The following ZBTB20 variants were observed in gnomAD, a reference collection of about 807,000 sequenced individuals.
The protein encoded by ZBTB20 is zinc finger and BTB domain-containing protein 20.
ZBTB20 carries 9 observed loss-of-function variants against 56.9 expected under a neutral mutation model. The ratio of observed to expected loss-of-function variants is 0.16; its 90% CI spans 0.10 to 0.28. The LOEUF (loss-of-function observed/expected upper bound fraction) is 0.28, where lower values mean the gene tolerates loss of function less well. ZBTB20 is among the 10% of genes least tolerant of loss of function. The probability of loss-of-function intolerance (pLI) is 1.00; values close to 1 mark genes in which losing one functional copy is unlikely to be tolerated. For missense variants in ZBTB20, 655 were observed against 1,003.0 expected (o/e 0.65, Z 4.69); for synonymous variants, 417 against 420.7 (o/e 0.99, Z 0.11).
At chr3:114,569,033 A>G (rs2053118360) in intron 6 of ZBTB20, among the ~76,000 whole-genome samples, 2 of 152,230 alleles carry the variant, frequency 1.3e-5, no homozygotes, top group Admixed American at 1.3e-4. Flanking sequence ...CAATCAAGTT[A>G]TAACAGGTAT....
chr3:114,532,982 G>A (rs1364502243), intron 6 of ZBTB20, among the ~76,000 whole-genome samples: 11 of 152,128 alleles, frequency 7.2e-5, no homozygotes, highest in African/African-American at 1.4e-4. Flanking sequence ...AACCCCATCC[G>A]AAGATCACCA....
intron 6 of ZBTB20, among the ~76,000 whole-genome samples, chr3:114,566,826 A>G (rs999736470): frequency 5.9e-5 from 9 of 152,166 alleles, no homozygotes; most frequent in African/African-American, 2.2e-4. Flanking sequence ...TGCCAAATCT[A>G]TTTAGCAGAA....
rs2076958073 is a variant in ZBTB20, at chr3:114,948,468, A to G, written c.-456+25898T>C. On this transcript the variant is annotated intron_variant, in intron 3 of 11. Transcript: ENST00000675478. ...TAAATTAAAGTTATATGGAATGAAAAGGTAGAAATAAAACTGTAGTTATTC... is the reference window on the plus strand; with the variant it reads ...TAAATTAAAGTTATATGGAATGAAAGGGTAGAAATAAAACTGTAGTTATTC... Among the ~76,000 whole-genome samples the G allele has an allele frequency of 1.4e-5, 2 of 146,242 alleles. 1 individual carries two copies. Among genetic ancestry groups the G allele is most frequent in the African/African-American group, 5.6e-5 (2 of 36,030 alleles).
chr3:114,746,330 C>G (rs893307297), intron 5 of ZBTB20, among the ~76,000 whole-genome samples: 1 of 151,932 alleles, frequency 6.6e-6, no homozygotes, highest in Non-Finnish European at 1.5e-5. Flanking sequence ...TCTTTTTTCC[C>G]CCATTCCCCT....
intron 7 of ZBTB20, among the ~76,000 whole-genome samples, chr3:114,410,117 C>T (rs1245792356): frequency 1.3e-5 from 2 of 152,052 alleles, no homozygotes; most frequent in African/African-American, 4.8e-5. Flanking sequence ...CTGAGAAAGA[C>T]AAGGTCCATC....
At chr3:115,110,181 C>T (rs1034200609) in intron 1 of ZBTB20, among the ~76,000 whole-genome samples, 3 of 151,182 alleles carry the variant, frequency 2.0e-5, no homozygotes, top group African/African-American at 7.3e-5. Context: ...CACTGCACTC[C>T]AGCCTGGGCG....
At chr3:115,078,505 A>T (rs528173101) in intron 1 of ZBTB20, among the ~76,000 whole-genome samples, 2 of 152,002 alleles carry the variant, frequency 1.3e-5, no homozygotes, top group African/African-American at 4.8e-5. Context: ...AAAATTACAG[A>T]CGATTATTTT....
chr3:114,434,546 G>GTGTGTGTGTTTT (rs1224648995), intron 7 of ZBTB20, among the ~76,000 whole-genome samples: 2 of 89,122 alleles, frequency 2.2e-5, no homozygotes, highest in Non-Finnish European at 6.1e-5. Flanking sequence ...ATTGGGGTGT[G>GTGTGTGTGTTTT]TGTGTGTGTG....
intron 7 of ZBTB20, among the ~76,000 whole-genome samples, chr3:114,412,255 G>C (rs1186206353): frequency 1.3e-5 from 2 of 152,116 alleles, no homozygotes; most frequent in Non-Finnish European, 2.9e-5. Context: ...ATGGGAACAT[G>C]AACAGTTACC....
At chr3:114,934,340 A>T (rs1367896232) in intron 3 of ZBTB20, among the ~76,000 whole-genome samples, 1 of 152,182 alleles carries the variant, frequency 6.6e-6, no homozygotes, top group African/African-American at 2.4e-5. Context: ...CCTCAAATCT[A>T]TGCTTACCTC....
At position 114,883,916 on chromosome 3, in the gene ZBTB20, C is replaced by CCTTTTTTTTTTTTTTTT. The variant is rs1223732179; in HGVS notation, c.-417+16387_-417+16388insAAAAAAAAAAAAAAAAG. ...GTATAACTGGTAAGAATGGTGTGTT[C>CCTTTTTTTTTTTTTTTT]TTTTTTTTTTTTTTTTTTTTTTTTT... is the stretch of plus-strand genomic sequence containing the variant. On this transcript the variant is annotated intron_variant, in intron 4 of 11. Coordinates refer to ENST00000675478, the MANE Select transcript of ZBTB20 (RefSeq NM_001348800.3). Among the ~76,000 whole-genome samples, 159 of 89,824 alleles carry CCTTTTTTTTTTTTTTTT rather than the reference C, an allele frequency of 1.8e-3. 46 individuals carry two copies. Among genetic ancestry groups the CCTTTTTTTTTTTTTTTT allele is most frequent in the African/African-American group, 4.5e-3 (112 of 25,074 alleles). 58.9% of individuals were successfully genotyped at this position (89,824 alleles called of 152,430 possible).
chr3:114,513,302 T>C (rs2045616052), intron 6 of ZBTB20, among the ~76,000 whole-genome samples: 1 of 152,212 alleles, frequency 6.6e-6, no homozygotes, highest in Non-Finnish European at 1.5e-5. Flanking sequence ...AATACGTACA[T>C]GACACCAATC....
At chr3:114,597,043 A>ATAT (rs1553762645) in intron 6 of ZBTB20, among the ~76,000 whole-genome samples, 3 of 148,242 alleles carry the variant, frequency 2.0e-5, no homozygotes, top group East Asian at 1.9e-4. Flanking sequence ...AAATTAAAAA[A>ATAT]ATATATATAT....
intron 2 of ZBTB20, among the ~76,000 whole-genome samples, chr3:115,028,518 T>C (rs1192893294): frequency 6.6e-6 from 1 of 150,710 alleles, no homozygotes; most frequent in African/African-American, 2.4e-5. Context: ...TTTAAAAATG[T>C]AGTCACAAGA....
At chr3:114,939,723 AGGTGTG>A (rs757409472) in intron 3 of ZBTB20, among the ~76,000 whole-genome samples, 6 of 146,272 alleles carry the variant, frequency 4.1e-5, no homozygotes, top group Admixed American at 2.6e-4. Flanking sequence ...TTCTGGGACT[AGGTGTG>A]GTGGCTCACT....
chr3:114,840,625 A>G lies in ZBTB20; in HGVS notation c.-416-39451T>C, dbSNP rs939159278. ...GATATAGAGTCAAAATTGTGATCAC[A>G]GAATTCTCCTAAATGTTAGTCTCAG... On this transcript the variant is annotated intron_variant, in intron 4 of 11. Transcript: ENST00000675478. Among the ~76,000 whole-genome samples the G allele has an allele frequency of 2.6e-5, 4 of 152,238 alleles. No homozygotes were observed. The South Asian group carries it at 8.3e-4, about 32-fold the overall frequency.
chr3:115,009,253 T>C (rs1459888077), intron 2 of ZBTB20, among the ~76,000 whole-genome samples: 2 of 151,894 alleles, frequency 1.3e-5, no homozygotes, highest in Non-Finnish European at 2.9e-5. Context: ...TAGCCCTTAA[T>C]CTATATGGTT....
At chr3:114,593,733 G>A (rs538551738) in intron 6 of ZBTB20, among the ~76,000 whole-genome samples, 1 of 152,264 alleles carries the variant, frequency 6.6e-6, no homozygotes, top group South Asian at 2.1e-4. Flanking sequence ...CATATAACTG[G>A]TCATAGATAG....
chr3:114,848,251 T>C (rs2107386102), intron 4 of ZBTB20, among the ~76,000 whole-genome samples: 1 of 152,244 alleles, frequency 6.6e-6, no homozygotes, highest in Non-Finnish European at 1.5e-5. Flanking sequence ...GTTCTGAGTG[T>C]CTGAACACAT....
Sources: allele counts gnomAD v4.1 joint callset (sites outside exome capture counted in the v4.1 genomes callset), GRCh38; gene constraint gnomAD v4.1.1; transcripts MANE v1.5; gene names NCBI Gene and HGNC (gene_info 2026-07-23, HGNC 2026-07-21).